Variants in PSPH observed in about 807,000 individuals in gnomAD.
The protein encoded by PSPH is L-3-phosphoserine phosphatase.
Under a neutral mutation model 23.4 loss-of-function variants are expected in PSPH, and 16 were observed. The observed-to-expected ratio is 0.68, with a 90% CI of 0.46 to 1.04. PSPH has a LOEUF of 1.04. Ranked by LOEUF, PSPH falls within the 50% of genes least tolerant of loss-of-function variation. The probability of loss-of-function intolerance (pLI) is 0.00; values close to 1 mark genes in which losing one functional copy is unlikely to be tolerated. For missense variants in PSPH, 223 were observed against 273.7 expected, an observed-to-expected ratio of 0.81 and a Z score of 1.31; for synonymous variants, 68 against 99.7, an observed-to-expected ratio of 0.68 and a Z score of 1.89.
chr7:56,047,210 C>T (rs1359560229), intron 1 of PSPH, among the ~76,000 whole-genome samples: 2 of 151,272 alleles, frequency 1.3e-5, no homozygotes, highest in Non-Finnish European at 2.9e-5. Flanking sequence ...ATAGCATGAC[C>T]TTCTCTCTAC....
At chr7:56,016,411 A>AAG (rs1287667447) in intron 6 of PSPH, among the ~76,000 whole-genome samples, 1 of 151,058 alleles carries the variant, frequency 6.6e-6, no homozygotes, top group African/African-American at 2.4e-5. Flanking sequence ...CTCAAAAAAA[A>AAG]AAAAAAAAAA....
chr7:56,045,072 CAAAA>C (rs35552809), intron 1 of PSPH, among the ~76,000 whole-genome samples: 1 of 117,358 alleles, frequency 8.5e-6, no homozygotes, highest in Non-Finnish European at 1.7e-5. Context: ...AACTCTGCCT[CAAAA>C]AAAAAAAAAA....
intron 1 of PSPH, among the ~76,000 whole-genome samples, chr7:56,035,158 T>C (rs1435532422): frequency 6.6e-6 from 1 of 152,078 alleles, no homozygotes; most frequent in Non-Finnish European, 1.5e-5. Flanking sequence ...CTGGCCAACA[T>C]GGCAAAACTC....
At chr7:56,031,256 A>T (rs1790966166) in intron 3 of PSPH, among the ~76,000 whole-genome samples, 1 of 152,118 alleles carries the variant, frequency 6.6e-6, no homozygotes, top group Non-Finnish European at 1.5e-5. Context: ...AAACAAAAAA[A>T]ACTGAGGACT....
At chr7:56,016,562 T>A (rs1273700622) in intron 6 of PSPH, among the ~76,000 whole-genome samples, 1 of 149,286 alleles carries the variant, frequency 6.7e-6, no homozygotes, top group East Asian at 2.0e-4. Flanking sequence ...GTCTCCCTTC[T>A]AAAGTCTCTG....
chr7:56,023,635 T>C (rs1223307143), intron 3 of PSPH, among the ~76,000 whole-genome samples: 1 of 152,074 alleles, frequency 6.6e-6, no homozygotes, highest in Non-Finnish European at 1.5e-5. Flanking sequence ...ACCAGCCTCC[T>C]ATCAGAGACT....
chr7:56,014,960 T>TAATA (rs944351401), intron 7 of PSPH, 63 bp downstream of exon 7: 39 of 1,440,146 alleles, frequency 2.7e-5, no homozygotes, highest in African/African-American at 5.9e-5. Context: ...AATAAAGAAA[T>TAATA]AATAAATAAA....
At chr7:56,048,212 G>A (rs574726987) in intron 1 of PSPH, among the ~76,000 whole-genome samples, 8 of 151,792 alleles carry the variant, frequency 5.3e-5, no homozygotes, top group Admixed American at 2.6e-4. Flanking sequence ...CCGAGGAGGC[G>A]GAGGCTGCAG....
intron 3 of PSPH, among the ~76,000 whole-genome samples, chr7:56,030,270 C>G (rs546108144): frequency 4.9e-4 from 74 of 152,028 alleles, no homozygotes; most frequent in African/African-American, 1.7e-3. Flanking sequence ...CCACCACACC[C>G]AGGTAATTTT....
At position 56,017,339 on chromosome 7, in the gene PSPH, A is replaced by G. The variant is rs1295914487; in HGVS notation, c.316T>C (p.Phe106Leu). ...SRLQERNVQV[F>L]LISGGFRSIV... Reference sequence around the variant, plus strand: ...CTCCTAAAGCCACCAGATATTAGGAAAACCTGAACATTTCGCTCCTGTAGG... The same window carrying G: ...CTCCTAAAGCCACCAGATATTAGGAGAACCTGAACATTTCGCTCCTGTAGG... The change falls in exon 6 of 8, where the codon TTC (phenylalanine) becomes CTC (leucine). Residue 106 changes from phenylalanine (F) to leucine (L), a missense_variant. Phe to Leu is a conservative substitution (Grantham distance 22). Transcript: ENST00000275605. 2.5e-6 allele frequency: 4 copies of G among 1,613,748 alleles called. No homozygotes were observed. The highest frequency in any genetic ancestry group is 3.4e-6 in the Non-Finnish European group (4 of 1,179,872).
At chr7:56,038,614 C>A (rs1050572865) in intron 1 of PSPH, among the ~76,000 whole-genome samples, 1 of 151,906 alleles carries the variant, frequency 6.6e-6, no homozygotes, top group Non-Finnish European at 1.5e-5. Flanking sequence ...GTGGGAGGAT[C>A]GCTTGAGCCC....
chr7:56,045,245 C>T (rs1052797515), intron 1 of PSPH, among the ~76,000 whole-genome samples: 1 of 152,062 alleles, frequency 6.6e-6, no homozygotes, highest in African/African-American at 2.4e-5. Flanking sequence ...TGGCTCACTC[C>T]TGTAATCCTA....
chr7:56,012,990 G>A (rs556866238), intron 7 of PSPH, among the ~76,000 whole-genome samples: 2 of 81,914 alleles, frequency 2.4e-5, no homozygotes, highest in South Asian at 6.6e-4. Context: ...TATGACACTT[G>A]CTATATAGCA....
chr7:56,030,124 T>A (rs1284279968), intron 3 of PSPH, among the ~76,000 whole-genome samples: 1 of 152,086 alleles, frequency 6.6e-6, no homozygotes, highest in Non-Finnish European at 1.5e-5. Flanking sequence ...TTATCTTTTG[T>A]TTAGAGATGG....
intron 1 of PSPH, among the ~76,000 whole-genome samples, chr7:56,039,864 C>T (rs555987477): frequency 5.3e-5 from 8 of 150,964 alleles, no homozygotes; most frequent in Non-Finnish European, 1.2e-4. Flanking sequence ...TTTGGGAGGC[C>T]GAGGTGGGCG....
chr7:56,038,467 A>G (rs1212303158), intron 1 of PSPH, among the ~76,000 whole-genome samples: 4 of 151,704 alleles, frequency 2.6e-5, no homozygotes, highest in Non-Finnish European at 4.4e-5. Context: ...TAAAAAACAA[A>G]CAGACAAAAA....
chr7:56,022,725 G>A (rs1789638565), intron 3 of PSPH, among the ~76,000 whole-genome samples: 3 of 152,122 alleles, frequency 2.0e-5, no homozygotes, highest in South Asian at 4.1e-4. Flanking sequence ...ACACAATGTC[G>A]CCAATGTACA....
chr7:56,039,356 GTAGT>G (rs907119182), intron 1 of PSPH, among the ~76,000 whole-genome samples: 1 of 152,120 alleles, frequency 6.6e-6, no homozygotes, highest in African/African-American at 2.4e-5. Flanking sequence ...GAAAAGGTAT[GTAGT>G]TAATCAATGA....
Position 56,017,265 on chromosome 7 carries a change from T to C in PSPH, c.390A>G (p.Val130=). 6.2e-7 allele frequency: 1 copy of C among 1,613,946 alleles called. No individual in the cohort carries two copies. ...ASKLNIPATN[V]FANRLKFYFN... Reference sequence around the variant, plus strand: ...AGTAGAATTTCAGCCTATTGGCAAATACATTGGTTGCTGGGATATTGAGCT... The same window carrying C: ...AGTAGAATTTCAGCCTATTGGCAAACACATTGGTTGCTGGGATATTGAGCT... Residue 130 remains valine (V), a synonymous_variant, in exon 6 of 8, where the codon GTA becomes GTG. Transcript: ENST00000275605.
Sources: allele counts gnomAD v4.1 joint callset (sites outside exome capture counted in the v4.1 genomes callset), GRCh38; gene constraint gnomAD v4.1.1; transcripts MANE v1.5; gene names NCBI Gene and HGNC (gene_info 2026-07-23, HGNC 2026-07-21).